Variants in RANBP17 observed in about 807,000 individuals in gnomAD.
RANBP17 encodes RAN binding protein 17, also known as ran-binding protein 17.
Under a neutral mutation model 141.2 loss-of-function variants are expected in RANBP17, and 158 were observed. The ratio of observed to expected loss-of-function variants is 1.12; its 90% CI spans 0.98 to 1.28. The LOEUF (loss-of-function observed/expected upper bound fraction) is 1.28, where lower values mean the gene tolerates loss of function less well. Among genes scored for constraint, RANBP17 ranks in the 50% most tolerant of loss-of-function variants. The pLI, the probability that RANBP17 is intolerant of heterozygous loss-of-function variation, is 0.00. For synonymous variants in RANBP17, 430 were observed against 450.0 expected (o/e 0.96, Z 0.56); for missense variants, 1,438 against 1,290.7 (o/e 1.11, Z -1.75).
chr5:170,982,606 T>A (rs1352442385), intron 14 of RANBP17, among the ~76,000 whole-genome samples: 2 of 151,932 alleles, frequency 1.3e-5, no homozygotes, highest in African/African-American at 4.8e-5. Flanking sequence ...AACTGGATAA[T>A]AGGAGAGAAA....
intron 14 of RANBP17, among the ~76,000 whole-genome samples, chr5:171,082,081 A>G (rs1390212631): frequency 1.3e-5 from 2 of 152,142 alleles, no homozygotes; most frequent in Non-Finnish European, 2.9e-5. Context: ...CAGCATTTCT[A>G]AATGTTCTTC....
At chr5:170,868,417 T>TTTGTTGTTGTTGTTGTTG (rs371693546) in intron 1 of RANBP17, among the ~76,000 whole-genome samples, 5 of 151,626 alleles carry the variant, frequency 3.3e-5, no homozygotes, top group African/African-American at 9.7e-5. Flanking sequence ...CCTGGCTGAT[T>TTTGTTGTTGTTGTTGTTG]TTGTTGTTGT....
At chr5:171,157,177 T>C (rs532185295) in intron 14 of RANBP17, among the ~76,000 whole-genome samples, 1 of 152,322 alleles carries the variant, frequency 6.6e-6, no homozygotes, top group African/African-American at 2.4e-5. Context: ...TAGTAACACA[T>C]TATGATAATT....
chr5:171,205,200 A>G (rs1252505241), intron 19 of RANBP17, among the ~76,000 whole-genome samples: 3 of 152,184 alleles, frequency 2.0e-5, no homozygotes, highest in Non-Finnish European at 4.4e-5. Context: ...TAGACCCTGT[A>G]CATATCTGTT....
chr5:170,924,694 C>T lies in RANBP17; in HGVS notation c.1468+144C>T, dbSNP rs113404376. ...AATAAACCATTAATTTTATTAACCTCCTGGGTATATTGGTAATTTGTTGGT... is the reference window on the plus strand; with the variant it reads ...AATAAACCATTAATTTTATTAACCTTCTGGGTATATTGGTAATTTGTTGGT... On this transcript the variant is annotated intron_variant, in intron 12 of 27. Coordinates refer to ENST00000523189, the MANE Select transcript of RANBP17 (RefSeq NM_022897.5). 1.7e-3 allele frequency: 887 copies of T among 526,690 alleles called. 1 individual carries two copies. The highest frequency in any genetic ancestry group is 2.4e-3 in the Non-Finnish European group (745 of 311,186). 32.6% of individuals were successfully genotyped at this position (526,690 alleles called of 1,614,324 possible).
intron 16 of RANBP17, among the ~76,000 whole-genome samples, chr5:171,174,751 A>T (rs1168492406): frequency 2.2e-5 from 3 of 135,622 alleles, no homozygotes; most frequent in Admixed American, 7.6e-5. Context: ...AAATATCTAG[A>T]GTGTGTGTGT....
intron 14 of RANBP17, among the ~76,000 whole-genome samples, chr5:171,149,905 T>C (rs929774942): frequency 3.3e-5 from 5 of 152,176 alleles, no homozygotes; most frequent in African/African-American, 1.2e-4. Context: ...GGTTTGCAGG[T>C]TGTTAGTCTT....
At chr5:170,895,329 T>C (rs376175138) in intron 4 of RANBP17, among the ~76,000 whole-genome samples, 1 of 152,348 alleles carries the variant, frequency 6.6e-6, no homozygotes, top group Admixed American at 6.5e-5. Flanking sequence ...GCTGCATTTA[T>C]GATTTTCATA....
At chr5:171,149,534 A>T (rs1758322489) in intron 14 of RANBP17, among the ~76,000 whole-genome samples, 1 of 152,236 alleles carries the variant, frequency 6.6e-6, no homozygotes, top group Non-Finnish European at 1.5e-5. Context: ...TTTGTGAGAA[A>T]TGCATAGTTT....
intron 14 of RANBP17, among the ~76,000 whole-genome samples, chr5:171,028,216 A>T (rs1781342637): frequency 6.6e-6 from 1 of 152,074 alleles, no homozygotes; most frequent in Non-Finnish European, 1.5e-5. Flanking sequence ...ATACTATTTA[A>T]TGTTGTTCAT....
chr5:171,275,780 TTTG>T (rs1360237954), intron 25 of RANBP17, among the ~76,000 whole-genome samples: 1 of 152,122 alleles, frequency 6.6e-6, no homozygotes, highest in Non-Finnish European at 1.5e-5. Context: ...AGAGGGTTTT[TTTG>T]TTGTTGTTTT....
At chr5:170,939,292 G>A (rs1231113441) in intron 12 of RANBP17, among the ~76,000 whole-genome samples, 3 of 152,054 alleles carry the variant, frequency 2.0e-5, no homozygotes, top group African/African-American at 7.2e-5. Flanking sequence ...TATTTTCGAG[G>A]AAGAAGGGGC....
At chr5:171,080,140 T>G (rs1785174273) in intron 14 of RANBP17, among the ~76,000 whole-genome samples, 7 of 152,120 alleles carry the variant, frequency 4.6e-5, no homozygotes, top group Admixed American at 4.6e-4. Flanking sequence ...GCCCACACAC[T>G]TTATGCTTTA....
At chr5:171,031,266 C>G (rs973653681) in intron 14 of RANBP17, among the ~76,000 whole-genome samples, 3 of 151,908 alleles carry the variant, frequency 2.0e-5, no homozygotes, top group African/African-American at 4.8e-5. Context: ...AAGGGACATG[C>G]TAGCTGATTG....
At chr5:171,254,863 A>G (rs942634354) in intron 24 of RANBP17, among the ~76,000 whole-genome samples, 4 of 152,248 alleles carry the variant, frequency 2.6e-5, no homozygotes, top group African/African-American at 9.6e-5. Flanking sequence ...ACTGTTGACT[A>G]TGGAAAAACA....
chr5:170,952,030 A>G (rs1775252798), intron 12 of RANBP17, among the ~76,000 whole-genome samples: 1 of 151,998 alleles, frequency 6.6e-6, no homozygotes, highest in Non-Finnish European at 1.5e-5. Flanking sequence ...ATTAAGTAGA[A>G]ATGAGGAACG....
chr5:171,045,631 G>T (rs908116597), intron 14 of RANBP17, among the ~76,000 whole-genome samples: 1 of 152,014 alleles, frequency 6.6e-6, no homozygotes, highest in African/African-American at 2.4e-5. Flanking sequence ...CCAAGTTTAG[G>T]CTTTCTAGGG....
At chr5:170,941,563 C>T (rs1052522709) in intron 12 of RANBP17, among the ~76,000 whole-genome samples, 1 of 152,054 alleles carries the variant, frequency 6.6e-6, no homozygotes, top group Non-Finnish European at 1.5e-5. Context: ...CAAGAATCAC[C>T]ATCTACAAGA....
At chr5:170,989,906 G>A (rs1199762903) in intron 14 of RANBP17, among the ~76,000 whole-genome samples, 1 of 151,694 alleles carries the variant, frequency 6.6e-6, no homozygotes, top group Middle Eastern at 3.2e-3. Context: ...TAAAGTATTA[G>A]CAAAAGGACA....
Sources: allele counts gnomAD v4.1 joint callset (sites outside exome capture counted in the v4.1 genomes callset), GRCh38; gene constraint gnomAD v4.1.1; transcripts MANE v1.5; gene names NCBI Gene and HGNC (gene_info 2026-07-23, HGNC 2026-07-21).